The following DNAH1 variants were observed in gnomAD, a reference collection of about 807,000 sequenced individuals.
DNAH1 encodes axonemal beta dynein heavy chain 1.
DNAH1 carries 327 observed loss-of-function variants against 484.3 expected under a neutral mutation model. The observed-to-expected ratio is 0.68, with a 90% CI of 0.62 to 0.74. DNAH1 has a LOEUF of 0.74. Among genes scored for constraint, DNAH1 ranks in the 30% least tolerant of loss-of-function variants. The pLI, the probability that DNAH1 is intolerant of heterozygous loss-of-function variation, is 0.00. For missense variants in DNAH1, 5,052 were observed against 5,546.8 expected, an observed-to-expected ratio of 0.91 and a Z score of 2.83; for synonymous variants, 2,192 against 2,191.9, an observed-to-expected ratio of 1.00 and a Z score of 0.00.
chr3:52,358,069 C>A lies in DNAH1; in HGVS notation c.4086+66C>A. On this transcript the variant is annotated intron_variant, in intron 24 of 77. Transcript: ENST00000420323. This position sits in a 1 kb window ranked among gnomAD's most constrained non-coding sequence, Gnocchi z 4.2. ...GCATCTTCCCAGGGAGAACGTCCCT[C>A]CCTTTGTGATGAGCCCTTTTAGCAG... The A allele has an allele frequency of 7.9e-7, 1 of 1,265,990 alleles. No homozygotes were observed. Among genetic ancestry groups the A allele is most frequent in the Non-Finnish European group, 1.1e-6 (1 of 915,208 alleles). The allele number at this position is 1,265,990 out of a possible 1,614,324, so 78.4% of individuals were successfully genotyped here. A position where few individuals can be genotyped will look rare whatever the true frequency, so the allele number is the denominator to read the frequency against.
chr3:52,322,969 A>G (rs1427772444), intron 2 of DNAH1, among the ~76,000 whole-genome samples, 194 bp downstream of exon 2: 1 of 151,988 alleles, frequency 6.6e-6, no homozygotes, highest in Non-Finnish European at 1.5e-5. Flanking sequence ...CTCACCACCC[A>G]TGCATCTGTC....
rs757139303 is a variant in DNAH1, at chr3:52,388,528, G to A, written c.9282G>A (p.Lys3094=). 1 of 1,613,052 alleles carries A rather than the reference G, an allele frequency of 6.2e-7. No homozygotes were observed. The highest frequency in any genetic ancestry group is 8.5e-7 in the Non-Finnish European group (1 of 1,179,580). The stretch of plus-strand genomic sequence containing the variant: ...ACGGCATCGCCACAATGCAGGCTAA[G>A]TACCGGGAATGCATTACCAAGAAGG... ...VEDGIATMQA[K]YRECITKKEE... is the part of the protein sequence containing the mutation. The change falls in exon 58 of 78, where the codon AAG becomes AAA. Residue 3094 remains lysine, a synonymous_variant. Coordinates refer to ENST00000420323, the MANE Select transcript of DNAH1 (RefSeq NM_015512.5).
intron 56 of DNAH1, among the ~76,000 whole-genome samples, chr3:52,387,641 G>A (rs1209894472): frequency 6.6e-6 from 1 of 152,200 alleles, no homozygotes; most frequent in Non-Finnish European, 1.5e-5. Flanking sequence ...CAAGTCAGGA[G>A]TGCTCAAGGC....
chr3:52,393,516 C>T, intron 66 of DNAH1, 31 bp downstream of exon 66: 1 of 1,610,652 alleles, frequency 6.2e-7, no homozygotes, highest in Non-Finnish European at 8.5e-7. Flanking sequence ...GACAGACTGC[C>T]TGAGGGGTGG....
intron 40 of DNAH1, 40 bp from the exon 41 acceptor site, chr3:52,370,678 C>A (rs765244101): frequency 3.8e-6 from 6 of 1,598,654 alleles, no homozygotes; most frequent in South Asian, 2.3e-5. Flanking sequence ...CTCAGTCCTA[C>A]TGGGCCTCAC....
intron 11 of DNAH1, among the ~76,000 whole-genome samples, chr3:52,347,153 G>A (rs1427973099): frequency 6.6e-6 from 1 of 152,190 alleles, no homozygotes; most frequent in Non-Finnish European, 1.5e-5. Flanking sequence ...ACTGGGGGTG[G>A]GTCAGGGAGG....
Position 52,349,058 on chromosome 3 carries a change from C to T in DNAH1, c.2277C>T (p.Asn759=). ...ACCGAAAGTACCTGGAGCTGAACAA[C>T]AATGACATTGCCTCCTTTCTCAAGT... is the stretch of plus-strand genomic sequence containing the variant. ...KEYRKYLELN[N]NDIASFLKTY... Residue 759 remains asparagine, a synonymous_variant, in exon 13 of 78, where the codon AAC becomes AAT. Transcript: ENST00000420323. The T allele has an allele frequency of 6.2e-7, 1 of 1,612,996 alleles. No individual in the cohort carries two copies.
intron 8 of DNAH1, among the ~76,000 whole-genome samples, chr3:52,341,484 C>T (rs1247208632): frequency 2.0e-5 from 3 of 151,420 alleles, no homozygotes; most frequent in Admixed American, 6.6e-5. Context: ...CATGGCACCA[C>T]CGTATTTGTC....
rs28481563 is a variant in DNAH1, at chr3:52,383,622, T to C, written c.8150+28T>C. 297,876 of 1,531,950 alleles carry C rather than the reference T, an allele frequency of 0.19. 36,150 individuals carry two copies. Among genetic ancestry groups the C allele is most frequent in the African/African-American group, 0.58 (42,568 of 73,022 alleles). 94.9% of individuals were successfully genotyped at this position (1,531,950 alleles called of 1,614,324 possible). On this transcript the variant is annotated intron_variant, in intron 51 of 77. Transcript: ENST00000420323. Reference sequence around the variant, plus strand: ...ACAGGCAGCTGTCGCCAGGCTGCGCTGGGGCAGCGGAGCTGGGTGTGTACA... The same window carrying C: ...ACAGGCAGCTGTCGCCAGGCTGCGCCGGGGCAGCGGAGCTGGGTGTGTACA...
rs1427253173 is a variant in DNAH1 at position 52,360,013 on chromosome 3, T to C, written c.4505T>C (p.Val1502Ala). The C allele has an allele frequency of 6.2e-7, 1 of 1,613,916 alleles. No individual in the cohort carries two copies. The highest frequency in any genetic ancestry group is 1.7e-5 in the Admixed American group (1 of 60,032). The change falls in exon 27 of 78, where the codon GTG becomes GCG. Residue 1502 changes from valine (V) to alanine (A), a missense_variant. Val to Ala is a moderately conservative substitution (Grantham distance 64). Transcript: ENST00000420323. ...LIVIEVHAKD[V>A]VSKLIQENVV... The stretch of plus-strand genomic sequence containing the variant: ...GTCATTGAGGTCCATGCCAAGGACG[T>C]GGTGAGCAAGCTAATCCAGGAGAAC...
At chr3:52,344,137 C>G (rs771030989) in intron 8 of DNAH1, among the ~76,000 whole-genome samples, 1 of 152,186 alleles carries the variant, frequency 6.6e-6, no homozygotes, top group Admixed American at 6.5e-5. Context: ...GGCGGGGGTG[C>G]TGCAGGGGAG....
rs753371488 is a variant in DNAH1, at chr3:52,399,193, G to C, written c.12433G>C (p.Asp4145His). The stretch of plus-strand genomic sequence containing the variant: ...CATCTCCATTGACACCATCTCCTTT[G>C]ATTTCAAGGTCTGGGCACAGCCAGG... Reference protein sequence around the residue: ...FVISIDTISFDFKVMFEAPSE... With the variant: ...FVISIDTISFHFKVMFEAPSE... Residue 4145 changes from aspartate (D) to histidine (H), a missense_variant, in exon 76 of 78, where the codon GAT becomes CAT. Physicochemically the swap from Asp to His is moderately conservative, Grantham distance 81. Transcript: ENST00000420323. 14 of 1,606,688 alleles carry C rather than the reference G, an allele frequency of 8.7e-6. No individual in the cohort carries two copies. The highest frequency in any genetic ancestry group is 6.8e-6 in the Non-Finnish European group (8 of 1,175,488).
At chr3:52,312,045 C>G (rs1171646853), upstream of DNAH1, among the ~76,000 whole-genome samples, 3 of 152,234 alleles carry the variant, frequency 2.0e-5, no homozygotes, top group Non-Finnish European at 2.9e-5. Context: ...TCAGGCCCAC[C>G]TGCCTTCTCT....
At chr3:52,389,882 T>G (rs1035929838) in intron 60 of DNAH1, among the ~76,000 whole-genome samples, 1 of 151,488 alleles carries the variant, frequency 6.6e-6, no homozygotes, top group Non-Finnish European at 1.5e-5. Context: ...GAGGCCAAGG[T>G]GGGTGGATCA....
rs191330976 is a variant in DNAH1, at chr3:52,379,643, C to T, written c.7378-262C>T. ...CTTGTGACAAGCTAGCAGAGCCAGA[C>T]ACCCAGAGGGCACTTGGCCAGCTGG... On this transcript the variant is annotated intron_variant, in intron 47 of 77. Coordinates refer to ENST00000420323, the MANE Select transcript of DNAH1 (RefSeq NM_015512.5). This position sits in a 1 kb window ranked among gnomAD's most constrained non-coding sequence, Gnocchi z 4.4. Among the ~76,000 whole-genome samples, 1 of 152,196 alleles carries T rather than the reference C, an allele frequency of 6.6e-6. No homozygotes were observed. Among genetic ancestry groups the T allele is most frequent in the African/African-American group, 2.4e-5 (1 of 41,442 alleles).
intron 10 of DNAH1, 116 bp downstream of exon 10, chr3:52,345,822 G>A (rs1047359924): frequency 8.3e-6 from 9 of 1,088,446 alleles, no homozygotes; most frequent in South Asian, 1.6e-5. Flanking sequence ...GTGAGGCTGT[G>A]AGCCCCTGCT....
At position 52,378,866 on chromosome 3, in the gene DNAH1, A is replaced by G; in HGVS notation, c.7377+86A>G. ...CCACCAATTTCAGGCCTTCCTGCCC[A>G]AACAGGCCCTGAGTGGGGCTTCCTG... On this transcript the variant is annotated intron_variant, in intron 47 of 77. Transcript: ENST00000420323. 4 of 1,549,260 alleles carry G rather than the reference A, an allele frequency of 2.6e-6. No homozygotes were observed. The South Asian group carries it at 3.6e-5, about 14-fold the overall frequency.
At position 52,345,637 on chromosome 3, in the gene DNAH1, CCA is replaced by C; in HGVS notation, c.1589_1590del (p.His530LeufsTer13). 1 of 1,611,400 alleles carries C rather than the reference CCA, an allele frequency of 6.2e-7. No homozygotes were observed. The highest frequency in any genetic ancestry group is 8.5e-7 in the Non-Finnish European group (1 of 1,178,852). ...CNKVTAMSLF[H>X]SSLSKYSHLE... is the part of the protein sequence containing the mutation. The stretch of plus-strand genomic sequence containing the variant: ...ACAAGGTGACCGCCATGTCCCTGTT[CCA>C]CTCGAGCCTCTCCAAGTACAGCCAC... On this transcript the variant is annotated frameshift_variant, in exon 10 of 78. Transcript: ENST00000420323. LOFTEE classifies it high-confidence loss of function.
Position 52,394,616 on chromosome 3 carries a change from AC to A in DNAH1, c.10780del (p.Leu3594SerfsTer26), listed in dbSNP as rs754212933. 2 of 1,597,186 alleles carry A rather than the reference AC, an allele frequency of 1.3e-6. No homozygotes were observed. Among genetic ancestry groups the A allele is most frequent in the Admixed American group, 3.4e-5 (2 of 59,104 alleles). ...FSSFSSDFVKHLSEFRVIFDS... is the reference protein window; with the variant it reads ...FSSFSSDFVKXLSEFRVIFDS... ...TCCTTCTCTTCCGACTTCGTGAAGC[AC>A]CTCTCAGAATTCCGGGTCATCTTCG... On this transcript the variant is annotated frameshift_variant, in exon 67 of 78. Transcript: ENST00000420323. LOFTEE classifies it high-confidence loss of function.
Sources: allele counts gnomAD v4.1 joint callset (sites outside exome capture counted in the v4.1 genomes callset), GRCh38; gene constraint gnomAD v4.1.1; non-coding constraint Gnocchi (gnomAD v3.1); transcripts MANE v1.5; gene names NCBI Gene and HGNC (gene_info 2026-07-23, HGNC 2026-07-21).